Variants in NCAM2 observed in about 807,000 individuals in gnomAD.
The protein encoded by NCAM2 is N-CAM-2.
In NCAM2, 30 loss-of-function variants were observed where a neutral mutation model predicts 98.1. The observed-to-expected ratio is 0.31, with a 90% confidence interval of 0.23 to 0.41. The LOEUF is 0.41. Ranked by LOEUF, NCAM2 falls within the 10% of genes least tolerant of loss-of-function variation. The probability of loss-of-function intolerance (pLI) is 1.00; values close to 1 mark genes in which losing one functional copy is unlikely to be tolerated. For synonymous variants in NCAM2, 368 were observed against 342.4 expected (o/e 1.07, Z -0.83); for missense variants, 867 against 1,005.8 (o/e 0.86, Z 1.87).
chr21:21,516,520 TC>T (rs1478653214), intron 16 of NCAM2, among the ~76,000 whole-genome samples: 1 of 152,152 alleles, frequency 6.6e-6, no homozygotes, highest in East Asian at 1.9e-4. Context: ...CTTCTGAATT[TC>T]TATGTGCCTA....
At chr21:21,017,833 A>G (rs1382927194) in intron 1 of NCAM2, among the ~76,000 whole-genome samples, 1 of 152,146 alleles carries the variant, frequency 6.6e-6, no homozygotes, top group Non-Finnish European at 1.5e-5. Context: ...TATGTAACAT[A>G]TATATTTGTT....
intron 16 of NCAM2, among the ~76,000 whole-genome samples, chr21:21,512,470 A>G (rs1988449803): frequency 6.6e-6 from 1 of 151,986 alleles, no homozygotes; most frequent in Non-Finnish European, 1.5e-5. Flanking sequence ...TGCCAGTAGC[A>G]TGCTTTTTTG....
chr21:21,307,195 T>A (rs928016117), intron 5 of NCAM2, among the ~76,000 whole-genome samples: 2 of 152,138 alleles, frequency 1.3e-5, no homozygotes, highest in Non-Finnish European at 2.9e-5. Context: ...GTTCATAGTT[T>A]TATTTTTCTT....
At chr21:21,208,904 C>A (rs2147069465) in intron 1 of NCAM2, among the ~76,000 whole-genome samples, 1 of 152,122 alleles carries the variant, frequency 6.6e-6, no homozygotes, top group East Asian at 1.9e-4. Flanking sequence ...TGTTCAATAA[C>A]ATAAACCTGG....
intron 1 of NCAM2, among the ~76,000 whole-genome samples, chr21:21,256,859 T>G (rs2147320035): frequency 6.6e-6 from 1 of 152,348 alleles, no homozygotes; most frequent in South Asian, 2.1e-4. Flanking sequence ...CATAAAATGT[T>G]ACCTAAAATG....
At chr21:21,477,528 A>G (rs1985323827) in intron 15 of NCAM2, 57 bp downstream of exon 15, 9 of 1,311,820 alleles carry the variant, frequency 6.9e-6, no homozygotes, top group South Asian at 1.9e-5. Flanking sequence ...CCACCTTTTT[A>G]TAACCCTTAC....
intron 1 of NCAM2, among the ~76,000 whole-genome samples, chr21:21,276,055 C>T (rs2072717074): frequency 6.6e-6 from 1 of 152,032 alleles, no homozygotes; most frequent in Non-Finnish European, 1.5e-5. Context: ...ATGTGGAATG[C>T]CCTTATTCTT....
intron 12 of NCAM2, among the ~76,000 whole-genome samples, chr21:21,461,950 C>G (rs1983036729): frequency 6.6e-6 from 1 of 151,976 alleles, no homozygotes; most frequent in Non-Finnish European, 1.5e-5. Context: ...TGTATAGAAA[C>G]AGTAAAAAAT....
At chr21:21,102,635 G>C (rs2066267662) in intron 1 of NCAM2, among the ~76,000 whole-genome samples, 1 of 147,494 alleles carries the variant, frequency 6.8e-6, no homozygotes, top group Non-Finnish European at 1.5e-5. Context: ...GGGGGAAAAA[G>C]AAAGGAAAAT....
At chr21:21,507,292 T>C (rs564428087) in intron 15 of NCAM2, among the ~76,000 whole-genome samples, 33 of 152,124 alleles carry the variant, frequency 2.2e-4, no homozygotes, top group Non-Finnish European at 4.0e-4. Context: ...TATTAAAATA[T>C]TAAACCTAAG....
chr21:21,485,102 A>G (rs1986235859), intron 15 of NCAM2, among the ~76,000 whole-genome samples: 1 of 152,154 alleles, frequency 6.6e-6, no homozygotes, highest in Non-Finnish European at 1.5e-5. Context: ...CATAAGCATT[A>G]TATTTTATTA....
chr21:21,087,014 C>A (rs2065918119), intron 1 of NCAM2, among the ~76,000 whole-genome samples: 1 of 150,922 alleles, frequency 6.6e-6, no homozygotes, highest in Non-Finnish European at 1.5e-5. Context: ...AACATTGTAA[C>A]CTGTCTTCCC....
chr21:21,019,090 A>C lies in NCAM2; in HGVS notation c.55+20472A>C, dbSNP rs1468286502. Among the ~76,000 whole-genome samples, 6 of 152,340 alleles carry C rather than the reference A, an allele frequency of 3.9e-5. No homozygotes were observed. The East Asian group carries it at 9.7e-4, about 25-fold the overall frequency. Reference sequence around the variant, plus strand: ...TGACTGCTTAGTGCTGGGGTGAAACACTTTCCCATGCACAAGTTGCTGGTG... The same window carrying C: ...TGACTGCTTAGTGCTGGGGTGAAACCCTTTCCCATGCACAAGTTGCTGGTG... On this transcript the variant is annotated intron_variant, in intron 1 of 17. Coordinates refer to ENST00000400546, the MANE Select transcript of NCAM2 (RefSeq NM_004540.5).
At chr21:21,291,957 C>A in intron 4 of NCAM2, 147 bp from the exon 5 acceptor site, 3 of 638,452 alleles carry the variant, frequency 4.7e-6, no homozygotes, top group South Asian at 4.1e-5. Flanking sequence ...CATGAAATTA[C>A]ATTTTACTTT....
intron 1 of NCAM2, among the ~76,000 whole-genome samples, chr21:21,024,192 C>T (rs1413676099): frequency 1.3e-5 from 2 of 152,262 alleles, no homozygotes; most frequent in Admixed American, 6.5e-5. Flanking sequence ...CTGATTGAAA[C>T]AACGCAGTCA....
At chr21:21,217,345 G>A (rs377677276) in intron 1 of NCAM2, among the ~76,000 whole-genome samples, 27 of 152,126 alleles carry the variant, frequency 1.8e-4, no homozygotes, top group African/African-American at 5.8e-4. Flanking sequence ...ATGCAAGACA[G>A]CCCATCTGGC....
In NCAM2 at chr21:21,179,843, T is replaced by C. The variant is rs561121837; in HGVS notation, c.56-100735T>C. The stretch of plus-strand genomic sequence containing the variant: ...AGTGTATCCACAGAGGGCGTACTCA[T>C]CTGTTGTTTCAGTTTTCTATTGATG... On this transcript the variant is annotated intron_variant, in intron 1 of 17. Transcript: ENST00000400546. Among the ~76,000 whole-genome samples the C allele has an allele frequency of 5.7e-4, 87 of 152,230 alleles. 3 individuals carry two copies. The highest frequency in any genetic ancestry group is 5.3e-3 in the Admixed American group (81 of 15,280).
rs548179152 is a variant in NCAM2 at position 21,039,075 on chromosome 21, G to A, written c.55+40457G>A. On this transcript the variant is annotated intron_variant, in intron 1 of 17. Transcript: ENST00000400546. The stretch of plus-strand genomic sequence containing the variant: ...GAAATATATTTCTCTCACTTGTTAT[G>A]TAGACTATATGACATGTAGTTAATT... Among the ~76,000 whole-genome samples, 8 of 152,188 alleles carry A rather than the reference G, an allele frequency of 5.3e-5. 1 individual carries two copies. In the South Asian group the frequency reaches 1.7e-3, roughly 32 times the overall value.
At chr21:21,041,810 A>G (rs2064911005) in intron 1 of NCAM2, among the ~76,000 whole-genome samples, 1 of 151,314 alleles carries the variant, frequency 6.6e-6, no homozygotes, top group Admixed American at 6.6e-5. Context: ...CCTGAAAGAC[A>G]GGGGATAGAT....
Sources: allele counts gnomAD v4.1 joint callset (sites outside exome capture counted in the v4.1 genomes callset), GRCh38; gene constraint gnomAD v4.1.1; transcripts MANE v1.5; gene names NCBI Gene and HGNC (gene_info 2026-07-23, HGNC 2026-07-21).